DPP10: variants seen among roughly 807,000 people sequenced by gnomAD.
DPP10 encodes the protein inactive dipeptidyl peptidase 10.
DPP10 carries 33 observed loss-of-function variants against 120.9 expected under a neutral mutation model. The ratio of observed to expected loss-of-function variants is 0.27; its 90% confidence interval spans 0.21 to 0.37. The LOEUF is 0.37. Ranked by LOEUF, DPP10 falls within the 10% of genes least tolerant of loss-of-function variation. The pLI is 1.00. For missense variants in DPP10, 816 were observed against 942.8 expected, an observed-to-expected ratio of 0.87 and a Z score of 1.76; for synonymous variants, 337 against 326.1, an observed-to-expected ratio of 1.03 and a Z score of -0.36.
At chr2:115,615,503 A>G (rs1301429857) in intron 5 of DPP10, among the ~76,000 whole-genome samples, 1 of 152,194 alleles carries the variant, frequency 6.6e-6, no homozygotes, top group East Asian at 1.9e-4. Context: ...CCATTACAAG[A>G]TAAATGTATT....
At chr2:115,737,677 T>C (rs1456990107) in intron 8 of DPP10, among the ~76,000 whole-genome samples, 1 of 152,172 alleles carries the variant, frequency 6.6e-6, no homozygotes, top group African/African-American at 2.4e-5. Context: ...TACTCAGAAC[T>C]AGCAGTTTTA....
chr2:114,879,563 A>G (rs547250156), intron 1 of DPP10, among the ~76,000 whole-genome samples: 3 of 152,264 alleles, frequency 2.0e-5, no homozygotes, highest in East Asian at 1.9e-4. Context: ...AATGACTTCA[A>G]AGTGCAAATG....
At chr2:114,685,058 A>G (rs1222393435) in intron 1 of DPP10, among the ~76,000 whole-genome samples, 1 of 152,022 alleles carries the variant, frequency 6.6e-6, no homozygotes, top group Non-Finnish European at 1.5e-5. Context: ...AACTTTCTGC[A>G]TCGTCTGATG....
intron 5 of DPP10, among the ~76,000 whole-genome samples, chr2:115,662,434 A>AT (rs58448463): frequency 0.28 from 41,271 of 146,346 alleles, 5,772 homozygotes; most frequent in Middle Eastern, 0.38. Context: ...TTTGTTTTTT[A>AT]TTTTTTTTTT....
chr2:114,536,614 C>G lies in DPP10; in HGVS notation c.60+93776C>G, dbSNP rs1196438311. Among the ~76,000 whole-genome samples, 7 of 151,862 alleles carry G rather than the reference C, an allele frequency of 4.6e-5. 1 individual carries two copies. Among genetic ancestry groups the G allele is most frequent in the Admixed American group, 4.6e-4 (7 of 15,238 alleles). The stretch of plus-strand genomic sequence containing the variant: ...TAGAGACAGGTTTTCACCGTGTTAG[C>G]CAGGATGGTCTCGATCTCCTGACCT... On this transcript the variant is annotated intron_variant, in intron 1 of 25. Coordinates refer to ENST00000410059, the MANE Select transcript of DPP10 (RefSeq NM_020868.6).
At chr2:115,013,779 A>C (rs1702434428) in intron 1 of DPP10, among the ~76,000 whole-genome samples, 1 of 152,116 alleles carries the variant, frequency 6.6e-6, no homozygotes, top group Non-Finnish European at 1.5e-5. Context: ...CGATGCAAGC[A>C]ACAAGAAAAG....
Position 114,532,353 on chromosome 2 carries a change from T to A in DPP10, c.60+89515T>A, listed in dbSNP as rs1686093111. On this transcript the variant is annotated intron_variant, in intron 1 of 25. Transcript: ENST00000410059. ...ATATATATCTCTCTATATATATGTA[T>A]ACCATATATATATGTATATATACAC... Among the ~76,000 whole-genome samples the A allele has an allele frequency of 2.0e-5, 3 of 147,898 alleles. No individual in the cohort carries two copies. In the Admixed American group the frequency reaches 2.0e-4, roughly 10 times the overall value.
chr2:114,652,667 A>G (rs1417172197), intron 1 of DPP10, among the ~76,000 whole-genome samples: 2 of 152,196 alleles, frequency 1.3e-5, no homozygotes, highest in Middle Eastern at 3.2e-3. Context: ...TGCTTGTCGA[A>G]TTTTATGCTC....
At chr2:115,657,363 A>G (rs1340133701) in intron 5 of DPP10, among the ~76,000 whole-genome samples, 2 of 151,806 alleles carry the variant, frequency 1.3e-5, no homozygotes, top group East Asian at 3.9e-4. Context: ...ATCAAGTTCA[A>G]TATTCATTTT....
chr2:115,272,127 G>T lies in DPP10; in HGVS notation c.61-37112G>T, dbSNP rs1359703511. ...TCTCAGATAAATTGTTGTTGCTGTT[G>T]TTCAGCTGGTATTGTTATAAACCAT... On this transcript the variant is annotated intron_variant, in intron 1 of 25. Coordinates refer to ENST00000410059, the MANE Select transcript of DPP10 (RefSeq NM_020868.6). Among the ~76,000 whole-genome samples the T allele has an allele frequency of 3.9e-5, 6 of 152,186 alleles. No individual in the cohort carries two copies. In the East Asian group the frequency reaches 1.2e-3, roughly 29 times the overall value.
At chr2:115,342,111 A>G in intron 2 of DPP10, 1 of 452,546 alleles carries the variant, frequency 2.2e-6, no homozygotes, top group South Asian at 1.6e-5. Flanking sequence ...GCCTTCTCTG[A>G]TTTTTTCTGT....
chr2:114,609,401 G>A (rs1693096991), intron 1 of DPP10, among the ~76,000 whole-genome samples: 1 of 152,060 alleles, frequency 6.6e-6, no homozygotes, highest in Admixed American at 6.6e-5. Context: ...AGATTCCCAG[G>A]AGCCACAATA....
chr2:115,697,084 C>T (rs916873980), intron 7 of DPP10, among the ~76,000 whole-genome samples: 3 of 151,304 alleles, frequency 2.0e-5, no homozygotes, highest in Non-Finnish European at 4.4e-5. Flanking sequence ...TAAATATACA[C>T]AAAAGAAAGG....
chr2:114,549,638 G>A (rs1290549945), intron 1 of DPP10, among the ~76,000 whole-genome samples: 1 of 147,266 alleles, frequency 6.8e-6, no homozygotes, highest in African/African-American at 2.5e-5. Flanking sequence ...TCCAGCCTGG[G>A]CGACAGAGTG....
intron 2 of DPP10, among the ~76,000 whole-genome samples, chr2:115,326,305 G>A (rs10469820): frequency 1.7e-3 from 260 of 152,112 alleles, no homozygotes; most frequent in African/African-American, 5.9e-3. Context: ...GGTCATAGTA[G>A]CATGATTCAT....
intron 1 of DPP10, among the ~76,000 whole-genome samples, chr2:114,653,774 T>C (rs1357496026): frequency 6.6e-6 from 1 of 152,172 alleles, no homozygotes; most frequent in Non-Finnish European, 1.5e-5. Context: ...TATTTGTGTA[T>C]AGGGTTGCAG....
chr2:115,483,285 A>G (rs1553426737), intron 3 of DPP10, among the ~76,000 whole-genome samples: 1 of 152,130 alleles, frequency 6.6e-6, no homozygotes, highest in Non-Finnish European at 1.5e-5. Context: ...ATTTTTAAAA[A>G]ATTATTTCAG....
At chr2:114,875,664 G>A (rs1476600930) in intron 1 of DPP10, among the ~76,000 whole-genome samples, 1 of 152,076 alleles carries the variant, frequency 6.6e-6, no homozygotes, top group Non-Finnish European at 1.5e-5. Flanking sequence ...CAAGCAGGTG[G>A]AGACAGTTAA....
chr2:115,155,831 A>G (rs17687884), intron 1 of DPP10, among the ~76,000 whole-genome samples: 3,897 of 152,280 alleles, frequency 0.026, 61 homozygotes, highest in African/African-American at 0.037. Context: ...ATAAGCCAAT[A>G]AGACTTACTA....
Sources: gnomAD v4.1 joint callset for allele counts (sites outside exome capture counted in the v4.1 genomes callset) on GRCh38, gnomAD v4.1.1 for gene constraint, MANE v1.5 for transcripts, NCBI Gene and HGNC (gene_info 2026-07-23, HGNC 2026-07-21) for gene names.